MAST4: variants seen among roughly 807,000 people sequenced by gnomAD.
MAST4 encodes the protein microtubule-associated serine/threonine-protein kinase 4.
A neutral mutation model predicts 162.7 loss-of-function variants in MAST4; 89 were observed. The ratio of observed to expected loss-of-function variants is 0.55; its 90% CI spans 0.46 to 0.65. The LOEUF is 0.65. MAST4 is among the 30% of genes least tolerant of loss of function. The pLI, the probability that MAST4 is intolerant of heterozygous loss-of-function variation, is 0.00. For synonymous variants in MAST4, 1,479 were observed against 1,361.1 expected (o/e 1.09, Z -1.91); for missense variants, 3,153 against 3,374.0 (o/e 0.93, Z 1.62).
In MAST4 at chr5:67,169,009, A is replaced by G. The variant is rs952898581; in HGVS notation, c.*1958A>G. On this transcript the variant is annotated 3_prime_UTR_variant, in exon 29 of 29. Coordinates refer to ENST00000403625, the MANE Select transcript of MAST4 (RefSeq NM_001164664.2). ...ATATTGTGAAGCTGTAAAAATATATATATATACTTTACAAGAGTTTACTAA... is the reference window on the plus strand; with the variant it reads ...ATATTGTGAAGCTGTAAAAATATATGTATATACTTTACAAGAGTTTACTAA... 15 of 152,142 alleles carry G rather than the reference A, an allele frequency of 9.9e-5. No individual in the cohort carries two copies. The highest frequency in any genetic ancestry group is 3.6e-4 in the African/African-American group (15 of 41,432). The allele number at this position is 152,142 out of a possible 1,614,324, so 9.4% of individuals were successfully genotyped here.
At chr5:66,941,282 G>A (rs569854991) in intron 4 of MAST4, among the ~76,000 whole-genome samples, 328 of 152,212 alleles carry the variant, frequency 2.2e-3, no homozygotes, top group African/African-American at 7.4e-3. Context: ...ACTTCTCCTC[G>A]CTAGCTATGA....
intron 4 of MAST4, chr5:67,004,499 AACTCGGC>A (rs1478107293): frequency 6.5e-6 from 1 of 153,814 alleles, no homozygotes; most frequent in African/African-American, 2.4e-5. Context: ...ACCAAAAGGA[AACTCGGC>A]ACTGGGCATG....
At chr5:66,948,146 T>C (rs1471809161) in intron 4 of MAST4, among the ~76,000 whole-genome samples, 1 of 152,106 alleles carries the variant, frequency 6.6e-6, no homozygotes, top group African/African-American at 2.4e-5. Context: ...GCTGAGGGAC[T>C]AAGTTCCCAA....
intron 19 of MAST4, among the ~76,000 whole-genome samples, chr5:67,140,020 G>T (rs1217055078): frequency 3.9e-5 from 6 of 152,220 alleles, no homozygotes; most frequent in Admixed American, 3.9e-4. Context: ...TAGCAGGCAG[G>T]GGGTAAAACC....
intron 3 of MAST4, among the ~76,000 whole-genome samples, chr5:66,844,918 T>C (rs1261181766): frequency 6.6e-6 from 1 of 151,220 alleles, no homozygotes; most frequent in African/African-American, 2.4e-5. Context: ...CATATGAGCT[T>C]GGAGAGAGAA....
chr5:67,018,872 C>T (rs1753639358), intron 4 of MAST4, among the ~76,000 whole-genome samples: 1 of 152,100 alleles, frequency 6.6e-6, no homozygotes, highest in Non-Finnish European at 1.5e-5. Context: ...ACTTATATAA[C>T]ATTTACACTA....
chr5:67,164,911 G>T lies in MAST4; in HGVS notation c.5732G>T (p.Gly1911Val). The T allele has an allele frequency of 6.2e-7, 1 of 1,613,962 alleles. No homozygotes were observed. The highest frequency in any genetic ancestry group is 8.5e-7 in the Non-Finnish European group (1 of 1,179,888). Residue 1911 changes from glycine to valine, a missense_variant, in exon 29 of 29, where the codon GGA becomes GTA. Around this residue, in one of 7 missense-constraint regions of MAST4, gnomAD observed 1,644 missense variants for 1,495.0 expected, o/e 1.10. Transcript: ENST00000403625. The surrounding 1 kb of genome is among the most constrained non-coding windows in gnomAD (Gnocchi z 5.3). ...CCCCATCCTACTGCCAGGAGCCCTG[G>T]AACAGTCATGGAAAGCAATCCCCAA... ...KGPHPTARSPGTVMESNPQQR... is the reference protein window; with the variant it reads ...KGPHPTARSPVTVMESNPQQR...
At chr5:66,902,666 G>C (rs952638814) in intron 4 of MAST4, 3 of 470,360 alleles carry the variant, frequency 6.4e-6, no homozygotes, top group South Asian at 3.1e-5. Context: ...AGCAGTGATT[G>C]TGACTGGGTA....
chr5:66,911,242 A>C (rs532156377), intron 4 of MAST4, among the ~76,000 whole-genome samples: 3 of 152,320 alleles, frequency 2.0e-5, no homozygotes, highest in Admixed American at 2.0e-4. Context: ...ACCGTAAGGA[A>C]ATTCTCTGCA....
At chr5:66,640,993 A>G (rs1269259574) in intron 1 of MAST4, among the ~76,000 whole-genome samples, 1 of 152,148 alleles carries the variant, frequency 6.6e-6, no homozygotes, top group East Asian at 1.9e-4. Flanking sequence ...CCTGTTAGCC[A>G]TTTGAATTTC....
intron 4 of MAST4, among the ~76,000 whole-genome samples, chr5:67,029,741 G>A (rs970240083): frequency 2.0e-5 from 3 of 152,066 alleles, no homozygotes; most frequent in African/African-American, 7.2e-5. Flanking sequence ...ATGAAAGTGA[G>A]GTGGATGGAA....
At chr5:66,966,884 C>T (rs965740031) in intron 4 of MAST4, among the ~76,000 whole-genome samples, 2 of 152,116 alleles carry the variant, frequency 1.3e-5, no homozygotes, top group Non-Finnish European at 2.9e-5. Flanking sequence ...CCCCAAAAAA[C>T]AGAGTTGGTG....
intron 3 of MAST4, among the ~76,000 whole-genome samples, chr5:66,856,854 C>T (rs1759722929): frequency 6.6e-6 from 1 of 152,162 alleles, no homozygotes; most frequent in Admixed American, 6.5e-5. Context: ...CTGTTAAATG[C>T]AGTCTTTAAA....
intron 1 of MAST4, among the ~76,000 whole-genome samples, chr5:66,598,929 CA>C (rs540136076): frequency 2.4e-4 from 37 of 152,162 alleles, no homozygotes; most frequent in Non-Finnish European, 4.6e-4. Flanking sequence ...ACAGGCAATG[CA>C]GTGAGAACTG....
intron 1 of MAST4, among the ~76,000 whole-genome samples, chr5:66,682,302 T>C (rs548864712): frequency 1.7e-4 from 26 of 152,336 alleles, no homozygotes; most frequent in African/African-American, 6.3e-4. Flanking sequence ...AGCATTTTCA[T>C]GAATACAAAT....
At chr5:67,035,470 G>A (rs1160283013) in intron 4 of MAST4, among the ~76,000 whole-genome samples, 2 of 152,064 alleles carry the variant, frequency 1.3e-5, no homozygotes, top group East Asian at 1.9e-4. Context: ...TCAAGCAAGC[G>A]GGATCTACTA....
chr5:67,029,483 G>A (rs369953014), intron 4 of MAST4, among the ~76,000 whole-genome samples: 1 of 152,100 alleles, frequency 6.6e-6, no homozygotes, highest in Admixed American at 6.6e-5. Flanking sequence ...CAAACTGCTA[G>A]CATGTTTCTT....
intron 5 of MAST4, among the ~76,000 whole-genome samples, chr5:67,081,087 T>G (rs1046938818): frequency 4.3e-5 from 6 of 138,094 alleles, no homozygotes; most frequent in African/African-American, 1.7e-4. Context: ...GTATATATTA[T>G]ATAATATATA....
chr5:66,633,754 A>G (rs920416056), intron 1 of MAST4, among the ~76,000 whole-genome samples: 2 of 152,248 alleles, frequency 1.3e-5, no homozygotes, highest in African/African-American at 4.8e-5. Flanking sequence ...TTTTTTAAAT[A>G]TATGCCTATC....
Sources: gnomAD v4.1 joint callset for allele counts (sites outside exome capture counted in the v4.1 genomes callset) on GRCh38, gnomAD v4.1.1 for gene constraint, gnomAD v4.1.1 regional missense constraint, Gnocchi (gnomAD v3.1) non-coding constraint, MANE v1.5 for transcripts, NCBI Gene and HGNC (gene_info 2026-07-23, HGNC 2026-07-21) for gene names.